Variants in SGCD observed in about 807,000 individuals in gnomAD.
The protein encoded by SGCD is sarcoglycan delta.
A neutral mutation model predicts 36.6 loss-of-function variants in SGCD; 18 were observed. The observed-to-expected ratio is 0.49, with a 90% CI of 0.34 to 0.73. The LOEUF (loss-of-function observed/expected upper bound fraction) is 0.73. SGCD is among the 30% of genes least tolerant of loss of function. SGCD has a pLI of 0.01. For synonymous variants in SGCD, 133 were observed against 130.6 expected (o/e 1.02, Z -0.12); for missense variants, 387 against 346.7 (o/e 1.12, Z -0.92).
intron 1 of SGCD, among the ~76,000 whole-genome samples, chr5:155,877,264 C>T (rs1055789573): frequency 2.6e-5 from 4 of 151,996 alleles, no homozygotes; most frequent in South Asian, 2.1e-4. Context: ...TTTAAGATGA[C>T]GGTTTAGACT....
intron 1 of SGCD, among the ~76,000 whole-genome samples, chr5:156,113,708 A>T (rs776361209): frequency 2.0e-5 from 3 of 152,202 alleles, no homozygotes; most frequent in Non-Finnish European, 4.4e-5. Flanking sequence ...AAACCTGCAC[A>T]TGGATGTTTG....
chr5:156,312,639 C>A (rs1160804876), intron 3 of SGCD, among the ~76,000 whole-genome samples: 1 of 152,128 alleles, frequency 6.6e-6, no homozygotes, highest in East Asian at 1.9e-4. Flanking sequence ...ATCTCTTACC[C>A]ACTATTCCAC....
intron 5 of SGCD, among the ~76,000 whole-genome samples, chr5:156,594,516 T>C (rs75437797): frequency 0.025 from 3,792 of 152,232 alleles, 158 homozygotes; most frequent in East Asian, 0.17. Context: ...TTTAAAAAGC[T>C]CTTTCTGATA....
chr5:156,333,783 A>ATTTTTTTTTTTT lies in SGCD; in HGVS notation c.3+4230_3+4241dup, dbSNP rs70984404. 1.4e-3 allele frequency among the ~76,000 whole-genome samples: 28 copies of ATTTTTTTTTTTT among 19,966 alleles called. 5 individuals carry two copies. The highest frequency in any genetic ancestry group is 1.8e-3 in the Non-Finnish European group (19 of 10,476). 13.1% of individuals were successfully genotyped at this position (19,966 alleles called of 152,430 possible). A position where few individuals can be genotyped will look rare whatever the true frequency, so the allele number is the denominator to read the frequency against. On this transcript the variant is annotated intron_variant, in intron 2 of 8. Transcript: ENST00000337851. ...GTGCTTTCTTTATGTTAGAAAAGTG[A>ATTTTTTTTTTTT]TTTTTTTTTTTTTTTTTTTTTTTTT...
chr5:156,534,367 C>T (rs1758009646), intron 4 of SGCD, among the ~76,000 whole-genome samples: 1 of 152,190 alleles, frequency 6.6e-6, no homozygotes, highest in Non-Finnish European at 1.5e-5. Context: ...ATTTCCTAAT[C>T]TACCCTCAGC....
chr5:156,567,369 GATAGATAAATA>G (rs1759530476), intron 4 of SGCD, among the ~76,000 whole-genome samples: 2 of 128,858 alleles, frequency 1.6e-5, no homozygotes, highest in Admixed American at 8.7e-5. Flanking sequence ...GGGAGGGATG[GATAGATAAATA>G]GATAGATAGA....
chr5:156,226,757 T>A (rs1230713521), intron 3 of SGCD, among the ~76,000 whole-genome samples: 1 of 152,108 alleles, frequency 6.6e-6, no homozygotes, highest in Non-Finnish European at 1.5e-5. Context: ...ACATCTACTA[T>A]TTTTAGATTT....
At chr5:155,732,769 T>C in the SGCD span, among the ~76,000 whole-genome samples, 3 of 152,132 alleles carry the variant, frequency 2.0e-5, no homozygotes, top group African/African-American at 7.2e-5. Flanking sequence ...CTACATCTAT[T>C]TATACACTAC....
At chr5:156,084,787 G>T (rs974981668) in intron 1 of SGCD, among the ~76,000 whole-genome samples, 1 of 152,140 alleles carries the variant, frequency 6.6e-6, no homozygotes, top group South Asian at 2.1e-4. Flanking sequence ...TAGAGAAAAA[G>T]CATTTATGTT....
chr5:156,273,597 G>C (rs1187693248), intron 3 of SGCD, among the ~76,000 whole-genome samples: 3 of 152,146 alleles, frequency 2.0e-5, no homozygotes, highest in African/African-American at 7.2e-5. Flanking sequence ...ACCTTTGCAA[G>C]AGTCTAATCA....
chr5:156,619,780 G>C (rs968095919), intron 6 of SGCD, among the ~76,000 whole-genome samples: 1 of 152,176 alleles, frequency 6.6e-6, no homozygotes, highest in African/African-American at 2.4e-5. Context: ...TTATTGGAAA[G>C]ACTTGAATTT....
intron 6 of SGCD, among the ~76,000 whole-genome samples, chr5:156,646,783 A>G (rs762227741): frequency 6.6e-6 from 1 of 152,192 alleles, no homozygotes; most frequent in African/African-American, 2.4e-5. Flanking sequence ...AAATCAGATA[A>G]TTGCTATCTT....
chr5:156,562,035 T>C (rs145621402), intron 4 of SGCD, among the ~76,000 whole-genome samples: 127 of 152,326 alleles, frequency 8.3e-4, no homozygotes, highest in African/African-American at 2.9e-3. Flanking sequence ...ATATATTCTT[T>C]TATTAAACAA....
chr5:156,132,458 C>CTTTTTTTGTTTTTTT (rs1762348674), intron 3 of SGCD, among the ~76,000 whole-genome samples: 1 of 51,794 alleles, frequency 1.9e-5, no homozygotes, highest in Non-Finnish European at 3.5e-5. Flanking sequence ...CTTACCAAGT[C>CTTTTTTTGTTTTTTT]TTTTTTTTTT....
intron 1 of SGCD, among the ~76,000 whole-genome samples, chr5:155,993,153 A>AT (rs1348954678): frequency 2.0e-5 from 3 of 151,482 alleles, no homozygotes; most frequent in African/African-American, 7.3e-5. Flanking sequence ...TCTTGCTCCC[A>AT]TTTTCCCTTC....
At chr5:156,440,209 A>C (rs1207411901) in intron 3 of SGCD, among the ~76,000 whole-genome samples, 2 of 152,134 alleles carry the variant, frequency 1.3e-5, no homozygotes, top group African/African-American at 2.4e-5. Context: ...TTCAGATATC[A>C]ATATGTCATA....
intron 8 of SGCD, 52 bp from the exon 9 acceptor site, chr5:156,759,160 CAAGAG>C (rs1244214045): frequency 7.4e-6 from 10 of 1,354,744 alleles, no homozygotes; most frequent in East Asian, 4.6e-5. Context: ...TTCTGAATGT[CAAGAG>C]AAGAGACGAC....
intron 1 of SGCD, among the ~76,000 whole-genome samples, chr5:155,977,779 AT>A (rs1218472542): frequency 6.6e-6 from 1 of 152,208 alleles, no homozygotes; most frequent in African/African-American, 2.4e-5. Context: ...GGATATTTTC[AT>A]AAGTGGGTAG....
At chr5:156,364,837 T>C (rs563934288) in intron 3 of SGCD, among the ~76,000 whole-genome samples, 2 of 152,290 alleles carry the variant, frequency 1.3e-5, no homozygotes, top group South Asian at 4.1e-4. Context: ...ATCTTTGCCA[T>C]TTTCTCTCCA....
Sources: gnomAD v4.1 joint callset for allele counts (sites outside exome capture counted in the v4.1 genomes callset) on GRCh38, gnomAD v4.1.1 for gene constraint, MANE v1.5 for transcripts, NCBI Gene and HGNC (gene_info 2026-07-23, HGNC 2026-07-21) for gene names.